The following DTWD2 variants were observed in gnomAD, a reference collection of about 807,000 sequenced individuals.
The protein encoded by DTWD2 is tRNA-uridine aminocarboxypropyltransferase 2.
A neutral mutation model predicts 31.8 loss-of-function variants in DTWD2; 39 were observed. The ratio of observed to expected loss-of-function variants is 1.22; its 90% CI spans 0.95 to 1.60. The LOEUF is 1.60. Ranked by LOEUF, DTWD2 falls within the 40% of genes most tolerant of loss-of-function variation. The pLI, the probability that DTWD2 is intolerant of heterozygous loss-of-function variation, is 0.00. For missense variants in DTWD2, 515 were observed against 381.5 expected (o/e 1.35, Z -2.92); for synonymous variants, 180 against 142.8 (o/e 1.26, Z -1.86).
chr5:118,851,285 G>C (rs989991855), intron 4 of DTWD2, among the ~76,000 whole-genome samples: 1 of 150,758 alleles, frequency 6.6e-6, no homozygotes, highest in Non-Finnish European at 1.5e-5. Flanking sequence ...TTTCAACATA[G>C]GTTCTTTCTA....
chr5:118,876,507 G>T (rs1335741572), intron 4 of DTWD2, among the ~76,000 whole-genome samples: 3 of 152,032 alleles, frequency 2.0e-5, no homozygotes, highest in Non-Finnish European at 4.4e-5. Flanking sequence ...AACAAGAAAA[G>T]AGATATGATT....
chr5:118,867,132 A>G (rs962808616), intron 4 of DTWD2, among the ~76,000 whole-genome samples: 1 of 152,162 alleles, frequency 6.6e-6, no homozygotes, highest in Non-Finnish European at 1.5e-5. Context: ...CAGTTAAAGA[A>G]AACTAAATTT....
chr5:118,868,311 T>A (rs923469151), intron 4 of DTWD2, among the ~76,000 whole-genome samples: 18 of 151,996 alleles, frequency 1.2e-4, no homozygotes, highest in African/African-American at 4.3e-4. Flanking sequence ...TATAAAATTC[T>A]TAGAAAAAAA....
intron 2 of DTWD2, among the ~76,000 whole-genome samples, chr5:118,942,614 A>C (rs1274156733): frequency 2.6e-5 from 4 of 151,932 alleles, no homozygotes; most frequent in Non-Finnish European, 5.9e-5. Flanking sequence ...ATTCAAGACC[A>C]GCCTGGGCAA....
At chr5:118,869,080 C>G (rs1346166587) in intron 4 of DTWD2, among the ~76,000 whole-genome samples, 1 of 151,774 alleles carries the variant, frequency 6.6e-6, no homozygotes, top group Non-Finnish European at 1.5e-5. Context: ...TTAATGCATA[C>G]AGTTAGTTTT....
chr5:118,937,054 T>C (rs1382975677), intron 3 of DTWD2, among the ~76,000 whole-genome samples: 1 of 152,056 alleles, frequency 6.6e-6, no homozygotes, highest in Non-Finnish European at 1.5e-5. Context: ...AAATATGAAA[T>C]GCCTTATGTT....
At chr5:118,986,332 T>G (rs959484055) in intron 1 of DTWD2, among the ~76,000 whole-genome samples, 2 of 152,190 alleles carry the variant, frequency 1.3e-5, no homozygotes, top group African/African-American at 4.8e-5. Flanking sequence ...CTTGCAATAA[T>G]AAATTACAAG....
chr5:118,962,676 G>A (rs1191307611), intron 1 of DTWD2, among the ~76,000 whole-genome samples: 3 of 152,164 alleles, frequency 2.0e-5, no homozygotes. Flanking sequence ...GAAAAGAAGG[G>A]ACAGGTAAAG....
At chr5:118,938,836 G>A (rs983094902) in intron 3 of DTWD2, among the ~76,000 whole-genome samples, 109 of 100,464 alleles carry the variant, frequency 1.1e-3, no homozygotes, top group Middle Eastern at 6.0e-3. Flanking sequence ...AGTTGTGGAA[G>A]ATATTTAAGA....
intron 4 of DTWD2, among the ~76,000 whole-genome samples, chr5:118,909,384 A>C (rs1753408932): frequency 6.6e-6 from 1 of 152,204 alleles, no homozygotes; most frequent in Non-Finnish European, 1.5e-5. Flanking sequence ...AGGACTCAAG[A>C]AGCTTTCACC....
At chr5:118,883,554 T>G (rs1752790531) in intron 4 of DTWD2, among the ~76,000 whole-genome samples, 1 of 152,160 alleles carries the variant, frequency 6.6e-6, no homozygotes, top group Admixed American at 6.5e-5. Flanking sequence ...TGTAATTGAC[T>G]CACAGTTCCC....
intron 4 of DTWD2, among the ~76,000 whole-genome samples, chr5:118,900,161 C>T (rs181574145): frequency 3.7e-4 from 56 of 152,268 alleles, no homozygotes; most frequent in African/African-American, 1.2e-3. Context: ...TTATGTAATT[C>T]ATTCATGTTG....
chr5:118,892,288 T>C (rs2149560827), intron 4 of DTWD2, among the ~76,000 whole-genome samples: 1 of 152,288 alleles, frequency 6.6e-6, no homozygotes, highest in South Asian at 2.1e-4. Flanking sequence ...TACAATAAGA[T>C]AATCATGTAA....
intron 1 of DTWD2, among the ~76,000 whole-genome samples, chr5:118,961,017 C>G (rs1308108115): frequency 6.6e-6 from 1 of 151,954 alleles, no homozygotes; most frequent in Non-Finnish European, 1.5e-5. Context: ...TACATAAAAC[C>G]CCCATGATAC....
At chr5:118,902,318 A>C (rs1753230557) in intron 4 of DTWD2, among the ~76,000 whole-genome samples, 1 of 152,152 alleles carries the variant, frequency 6.6e-6, no homozygotes, top group Non-Finnish European at 1.5e-5. Context: ...AGAATGAGTA[A>C]AATATAAGTA....
At chr5:118,905,492 C>A (rs190860952) in intron 4 of DTWD2, among the ~76,000 whole-genome samples, 1 of 152,140 alleles carries the variant, frequency 6.6e-6, no homozygotes, top group Non-Finnish European at 1.5e-5. Context: ...AAAGTTATAA[C>A]TGCAATCATC....
At chr5:118,879,663 T>G (rs1217954279) in intron 4 of DTWD2, among the ~76,000 whole-genome samples, 1 of 148,254 alleles carries the variant, frequency 6.7e-6, no homozygotes, top group African/African-American at 2.5e-5. Flanking sequence ...GGGACATGGA[T>G]GGAGCTAAAG....
chr5:118,911,617 A>G (rs1753459682), intron 4 of DTWD2, among the ~76,000 whole-genome samples: 1 of 152,220 alleles, frequency 6.6e-6, no homozygotes, highest in African/African-American at 2.4e-5. Flanking sequence ...ATATCCTTCA[A>G]TGGAAGAAAA....
intron 4 of DTWD2, among the ~76,000 whole-genome samples, chr5:118,886,286 T>G (rs1007096690): frequency 6.6e-6 from 1 of 152,218 alleles, no homozygotes; most frequent in Non-Finnish European, 1.5e-5. Context: ...TATTGGAGAT[T>G]GAGGATGATC....
Sources: allele counts gnomAD v4.1 joint callset (sites outside exome capture counted in the v4.1 genomes callset), GRCh38; gene constraint gnomAD v4.1.1; transcripts MANE v1.5; gene names NCBI Gene and HGNC (gene_info 2026-07-23, HGNC 2026-07-21).